The following OSBPL3 variants were observed in gnomAD, a reference collection of about 807,000 sequenced individuals.
OSBPL3 encodes oxysterol-binding protein-related protein 3.
OSBPL3 carries 65 observed loss-of-function variants against 120.1 expected under a neutral mutation model. The ratio of observed to expected loss-of-function variants is 0.54; its 90% CI spans 0.44 to 0.67. OSBPL3 has a LOEUF of 0.67. Among genes scored for constraint, OSBPL3 ranks in the 30% least tolerant of loss-of-function variants. OSBPL3 has a pLI of 0.00. For synonymous variants in OSBPL3, 416 were observed against 402.6 expected (o/e 1.03, Z -0.40); for missense variants, 1,004 against 1,082.1 (o/e 0.93, Z 1.01).
chr7:24,834,695 T>G lies in OSBPL3; in HGVS notation c.1537A>C (p.Arg513=). ...GGGCAGGGCGCCGGCAGGCACGTTC[T>G]TCTCCGGGACTTCGCTTCCCGACCA... is the stretch of plus-strand genomic sequence containing the variant. The part of the protein sequence containing the change: ...DSGREAKSRR[R]TCLPAPCPSS... The change falls in exon 15 of 23, where the codon AGA becomes CGA. Residue 513 remains arginine (R), a synonymous_variant. Transcript: ENST00000313367. This position sits in a 1 kb window ranked among gnomAD's most constrained non-coding sequence, Gnocchi z 5.2. 6.2e-7 allele frequency: 1 copy of G among 1,613,800 alleles called. No homozygotes were observed. The highest frequency in any genetic ancestry group is 2.2e-5 in the East Asian group (1 of 44,886).
intron 2 of OSBPL3, among the ~76,000 whole-genome samples, chr7:24,874,997 GATGCCTCTGGCATGGAAT>G (rs1562867994): frequency 2.0e-5 from 3 of 152,218 alleles, no homozygotes; most frequent in Non-Finnish European, 4.4e-5. Flanking sequence ...ATGATAGGGA[GATGCCTCTGGCATGGAAT>G]GGCTGGGAGC....
At position 24,831,081 on chromosome 7, in the gene OSBPL3, G is replaced by A. The variant is rs1244543594; in HGVS notation, c.1747-176C>T. ...TGTAGGTTTAAATAATGTTTATCTG[G>A]GCCCCAAAACAAATTAACCCAATGT... On this transcript the variant is annotated intron_variant, in intron 15 of 22. Transcript: ENST00000313367. This position sits in a 1 kb window ranked among gnomAD's most constrained non-coding sequence, Gnocchi z 4.0. Among the ~76,000 whole-genome samples, 2 of 152,070 alleles carry A rather than the reference G, an allele frequency of 1.3e-5. No homozygotes were observed. The highest frequency in any genetic ancestry group is 3.8e-4 in the East Asian group (2 of 5,204).
rs901388033 is a variant in OSBPL3 at position 24,878,704 on chromosome 7, T to C, written c.97-6635A>G. 4.6e-5 allele frequency among the ~76,000 whole-genome samples: 7 copies of C among 152,340 alleles called. No homozygotes were observed. In the East Asian group the frequency reaches 1.2e-3, roughly 25 times the overall value. ...GTTTGTTTAGCACCAGCAGGCCTGA[T>C]AGCAATGGCAATTTTTAAGAAAAGA... On this transcript the variant is annotated intron_variant, in intron 2 of 22. Coordinates refer to ENST00000313367, the MANE Select transcript of OSBPL3 (RefSeq NM_015550.4).
rs1269133624 is a variant in OSBPL3 at position 24,817,407 on chromosome 7, C to A, written c.1949-719G>T. On this transcript the variant is annotated intron_variant, in intron 17 of 22. Transcript: ENST00000313367. This position sits in a 1 kb window ranked among gnomAD's most constrained non-coding sequence, Gnocchi z 4.0. ...TGGTGGGTGCCTGTAGTCCCAGCTG[C>A]TCAGGAGGCTGAGGCAGGAACCCAA... Among the ~76,000 whole-genome samples the A allele has an allele frequency of 6.6e-6, 1 of 152,106 alleles. No individual in the cohort carries two copies. Among genetic ancestry groups the A allele is most frequent in the Non-Finnish European group, 1.5e-5 (1 of 68,020 alleles).
In OSBPL3 at chr7:24,938,768, G is replaced by T; in HGVS notation, c.-150+41118C>A. Among the ~76,000 whole-genome samples, 2 of 122,278 alleles carry T rather than the reference G, an allele frequency of 1.6e-5. No homozygotes were observed. Among genetic ancestry groups the T allele is most frequent in the African/African-American group, 3.1e-5 (1 of 31,872 alleles). The allele number at this position is 122,278 out of a possible 152,430, so 80.2% of individuals were successfully genotyped here. On this transcript the variant is annotated intron_variant, in intron 1 of 22. Transcript: ENST00000313367. The surrounding 1 kb of genome is among the most constrained non-coding windows in gnomAD (Gnocchi z 5.8). Reference sequence around the variant, plus strand: ...GCTGCAAGGAAAACTGAATAATGAGGTTTTGTTTTGATGTGTGTGTGTGTG... The same window carrying T: ...GCTGCAAGGAAAACTGAATAATGAGTTTTTGTTTTGATGTGTGTGTGTGTG...
At position 24,900,903 on chromosome 7, in the gene OSBPL3, A is replaced by G. The variant is rs1806887778; in HGVS notation, c.-149-8282T>C. 6.6e-6 allele frequency among the ~76,000 whole-genome samples: 1 copy of G among 152,124 alleles called. No individual in the cohort carries two copies. Among genetic ancestry groups the G allele is most frequent in the Non-Finnish European group, 1.5e-5 (1 of 68,020 alleles). On this transcript the variant is annotated intron_variant, in intron 1 of 22. Coordinates refer to ENST00000313367, the MANE Select transcript of OSBPL3 (RefSeq NM_015550.4). The surrounding 1 kb of genome is among the most constrained non-coding windows in gnomAD (Gnocchi z 4.5). Reference sequence around the variant, plus strand: ...AGGCGTGCTAGTGCACACCTGTAGTATCAGCTACTGGGGAGGCTGAAGTGG... The same window carrying G: ...AGGCGTGCTAGTGCACACCTGTAGTGTCAGCTACTGGGGAGGCTGAAGTGG...
Position 24,937,481 on chromosome 7 carries a change from T to A in OSBPL3, c.-150+42405A>T, listed in dbSNP as rs370177469. Among the ~76,000 whole-genome samples, 18 of 152,358 alleles carry A rather than the reference T, an allele frequency of 1.2e-4. 3 individuals are homozygous for A. The highest frequency in any genetic ancestry group is 4.6e-4 in the Admixed American group (7 of 15,302). On this transcript the variant is annotated intron_variant, in intron 1 of 22. Coordinates refer to ENST00000313367, the MANE Select transcript of OSBPL3 (RefSeq NM_015550.4). The surrounding 1 kb of genome is among the most constrained non-coding windows in gnomAD (Gnocchi z 4.0). ...CCCATAAGGATACATATAGTTTTAG[T>A]TCTTTCTGCTTTATAGAATTTAATT...
At chr7:24,887,708 G>A (rs1804736334) in intron 2 of OSBPL3, among the ~76,000 whole-genome samples, 1 of 152,182 alleles carries the variant, frequency 6.6e-6, no homozygotes, top group South Asian at 2.1e-4. Context: ...CAAACACAAT[G>A]TCCATGCTGT....
rs1010476310 is a variant in OSBPL3 at position 24,940,301 on chromosome 7, A to G, written c.-150+39585T>C. Among the ~76,000 whole-genome samples, 2 of 152,228 alleles carry G rather than the reference A, an allele frequency of 1.3e-5. No individual in the cohort carries two copies. Among genetic ancestry groups the G allele is most frequent in the African/African-American group, 2.4e-5 (1 of 41,460 alleles). Reference sequence around the variant, plus strand: ...CTGAGTACAAAGACAGAAGAAGTGGACTGTTGTGTTGAAACACAGTTGGAG... The same window carrying G: ...CTGAGTACAAAGACAGAAGAAGTGGGCTGTTGTGTTGAAACACAGTTGGAG... On this transcript the variant is annotated intron_variant, in intron 1 of 22. Coordinates refer to ENST00000313367, the MANE Select transcript of OSBPL3 (RefSeq NM_015550.4). This position sits in a 1 kb window ranked among gnomAD's most constrained non-coding sequence, Gnocchi z 4.4.
intron 12 of OSBPL3, among the ~76,000 whole-genome samples, chr7:24,844,746 A>T (rs1798197115): frequency 6.6e-6 from 1 of 152,238 alleles, no homozygotes; most frequent in Non-Finnish European, 1.5e-5. Context: ...TTAAATAAAT[A>T]TCACTTCAAG....
chr7:24,915,027 G>A (rs535632304), intron 1 of OSBPL3, among the ~76,000 whole-genome samples: 4 of 152,310 alleles, frequency 2.6e-5, no homozygotes, highest in African/African-American at 9.6e-5. Flanking sequence ...TTTTTTGGTA[G>A]ATGAAAGTAT....
Position 24,813,940 on chromosome 7 carries a change from C to G in OSBPL3, c.2172+1119G>C, listed in dbSNP as rs1794148540. On this transcript the variant is annotated intron_variant, in intron 19 of 22. Transcript: ENST00000313367. This position sits in a 1 kb window ranked among gnomAD's most constrained non-coding sequence, Gnocchi z 4.5. Reference sequence around the variant, plus strand: ...ATTCTCTGAATGTTTATGAGTCTCTCATGTGTGCCAGACACCATTGCAGGA... The same window carrying G: ...ATTCTCTGAATGTTTATGAGTCTCTGATGTGTGCCAGACACCATTGCAGGA... Among the ~76,000 whole-genome samples the G allele has an allele frequency of 6.6e-6, 1 of 152,114 alleles. No homozygotes were observed.
In OSBPL3 at chr7:24,933,921, A is replaced by T. The variant is rs913774607; in HGVS notation, c.-149-41300T>A. On this transcript the variant is annotated intron_variant, in intron 1 of 22. Coordinates refer to ENST00000313367, the MANE Select transcript of OSBPL3 (RefSeq NM_015550.4). The surrounding 1 kb of genome is among the most constrained non-coding windows in gnomAD (Gnocchi z 5.1). ...CAAATACTAAGATTTGTTGGCATTAAATCAGTTTAGTCTATAAATACCTTT... is the reference window on the plus strand; with the variant it reads ...CAAATACTAAGATTTGTTGGCATTATATCAGTTTAGTCTATAAATACCTTT... Among the ~76,000 whole-genome samples the T allele has an allele frequency of 6.6e-6, 1 of 152,220 alleles. No homozygotes were observed. Among genetic ancestry groups the T allele is most frequent in the Non-Finnish European group, 1.5e-5 (1 of 68,024 alleles).
intron 1 of OSBPL3, among the ~76,000 whole-genome samples, chr7:24,963,165 T>A (rs753447860): frequency 1.8e-4 from 27 of 152,170 alleles, no homozygotes; most frequent in Non-Finnish European, 3.5e-4. Context: ...TCTGCTCAGT[T>A]CTATTTTTGT....
At chr7:24,875,604 G>C (rs1802733312) in intron 2 of OSBPL3, among the ~76,000 whole-genome samples, 1 of 152,050 alleles carries the variant, frequency 6.6e-6, no homozygotes, top group Non-Finnish European at 1.5e-5. Flanking sequence ...CCAGGATTTT[G>C]GGAGGCTGAA....
chr7:24,871,735 G>A lies in OSBPL3; in HGVS notation c.267+7C>T. On this transcript the variant is annotated splice_region_variant and intron_variant, in intron 4 of 22. Coordinates refer to ENST00000313367, the MANE Select transcript of OSBPL3 (RefSeq NM_015550.4). This position sits in a 1 kb window ranked among gnomAD's most constrained non-coding sequence, Gnocchi z 4.8. ...CAATACCACAGTGGGCCCACAAAAA[G>A]ACTTACATCGGTTTGGCTCTTGGCA... The A allele has an allele frequency of 6.2e-7, 1 of 1,609,560 alleles. No homozygotes were observed. Among genetic ancestry groups the A allele is most frequent in the Non-Finnish European group, 8.5e-7 (1 of 1,175,948 alleles).
intron 1 of OSBPL3, among the ~76,000 whole-genome samples, chr7:24,905,793 G>A (rs1209477711): frequency 2.6e-5 from 4 of 152,216 alleles, no homozygotes; most frequent in Non-Finnish European, 5.9e-5. Flanking sequence ...CACTTCGGGA[G>A]GCCGAGGTGG....
At chr7:24,944,567 T>C (rs1221116982) in intron 1 of OSBPL3, among the ~76,000 whole-genome samples, 1 of 151,384 alleles carries the variant, frequency 6.6e-6, no homozygotes, top group African/African-American at 2.4e-5. Context: ...GAGGCGGAGG[T>C]TGCAGTGAGC....
intron 16 of OSBPL3, among the ~76,000 whole-genome samples, chr7:24,825,903 A>G (rs1443215043): frequency 3.9e-5 from 6 of 152,226 alleles, no homozygotes; most frequent in Admixed American, 3.9e-4. Flanking sequence ...GACACTGTCA[A>G]GGGTATGCAG....
Sources: allele counts gnomAD v4.1 joint callset (sites outside exome capture counted in the v4.1 genomes callset), GRCh38; gene constraint gnomAD v4.1.1; non-coding constraint Gnocchi (gnomAD v3.1); transcripts MANE v1.5; gene names NCBI Gene and HGNC (gene_info 2026-07-23, HGNC 2026-07-21).